The following SLC71A2 variants were observed in gnomAD, a reference collection of about 807,000 sequenced individuals.
SLC71A2 encodes the protein solute carrier family 71 member 2, also known as hippocampus abundant transcript-like 1.
At chr9:94,419,676 A>T in the SLC71A2 span, among the ~76,000 whole-genome samples, 2 of 152,018 alleles carry the variant, frequency 1.3e-5, no homozygotes, top group Non-Finnish European at 2.9e-5. Flanking sequence ...CTCGCCTCAG[A>T]CAGTCTTCTC....
At chr9:94,381,965 T>C in the SLC71A2 span, among the ~76,000 whole-genome samples, 6 of 152,264 alleles carry the variant, frequency 3.9e-5, no homozygotes, top group African/African-American at 1.4e-4. Flanking sequence ...TAGTGATGTC[T>C]CATTGTTCTT....
At chr9:94,422,422 T>C in the SLC71A2 span, among the ~76,000 whole-genome samples, 1 of 152,270 alleles carries the variant, frequency 6.6e-6, no homozygotes, top group Non-Finnish European at 1.5e-5. Context: ...CATTCTGCTG[T>C]TGGACATTTG....
chr9:94,458,336 A>T, the SLC71A2 span: 3 of 1,608,392 alleles, frequency 1.9e-6, no homozygotes, highest in Non-Finnish European at 2.5e-6. Context: ...TGCCCAGGGG[A>T]TCATAACTGG....
chr9:94,458,237 A>C, the SLC71A2 span: 1 of 1,224,792 alleles, frequency 8.2e-7, no homozygotes, highest in Non-Finnish European at 1.1e-6. Context: ...TTAGTGTATC[A>C]TGGTTATGAG....
At chr9:94,433,283 C>T in the SLC71A2 span, 1 of 167,364 alleles carries the variant, frequency 6.0e-6, no homozygotes, top group Middle Eastern at 2.7e-3. Flanking sequence ...CTCGGATCCC[C>T]CTGGACTGAC....
the SLC71A2 span, among the ~76,000 whole-genome samples, chr9:94,389,220 G>GT: frequency 6.6e-6 from 1 of 151,008 alleles, no homozygotes; most frequent in Non-Finnish European, 1.5e-5. Context: ...CTCTTCATAA[G>GT]TAGGGTGATC....
the SLC71A2 span, among the ~76,000 whole-genome samples, chr9:94,445,832 G>C: frequency 6.6e-6 from 1 of 152,162 alleles, no homozygotes. Flanking sequence ...CGTCCCCCAA[G>C]TTTACCTTTC....
At chr9:94,382,338 T>A in the SLC71A2 span, among the ~76,000 whole-genome samples, 7 of 151,624 alleles carry the variant, frequency 4.6e-5, no homozygotes, top group African/African-American at 4.8e-5. Flanking sequence ...CCTAAACTTA[T>A]ATGTCTTCTG....
the SLC71A2 span, among the ~76,000 whole-genome samples, chr9:94,428,246 A>G: frequency 6.6e-6 from 1 of 151,132 alleles, no homozygotes; most frequent in South Asian, 2.1e-4. Context: ...TAGTCTTTAT[A>G]TTCTTTAAAG....
the SLC71A2 span, among the ~76,000 whole-genome samples, chr9:94,406,907 G>A: frequency 1.4e-4 from 21 of 152,042 alleles, no homozygotes; most frequent in East Asian, 1.9e-3. Flanking sequence ...TTTTCTTGCC[G>A]TATTACTCTG....
At chr9:94,454,093 C>T in the SLC71A2 span, 168 of 1,515,240 alleles carry the variant, frequency 1.1e-4, 1 homozygote, top group South Asian at 4.5e-4. Flanking sequence ...CTTAGATTCT[C>T]GTGAACTGCC....
the SLC71A2 span, among the ~76,000 whole-genome samples, chr9:94,398,411 A>G: frequency 6.6e-6 from 1 of 152,236 alleles, no homozygotes; most frequent in African/African-American, 2.4e-5. Flanking sequence ...CGTAGCTTAT[A>G]TACCTTCTAA....
At chr9:94,418,995 A>ATT in the SLC71A2 span, among the ~76,000 whole-genome samples, 2 of 152,198 alleles carry the variant, frequency 1.3e-5, no homozygotes, top group African/African-American at 4.8e-5. Context: ...GGAAACACTC[A>ATT]GAGACTCCTC....
chr9:94,450,221 A>G, the SLC71A2 span, among the ~76,000 whole-genome samples: 2 of 152,202 alleles, frequency 1.3e-5, no homozygotes, highest in East Asian at 3.8e-4. Flanking sequence ...ATCTTAATAA[A>G]GCTCTTTAAC....
chr9:94,400,529 T>C, the SLC71A2 span, among the ~76,000 whole-genome samples: 5 of 145,134 alleles, frequency 3.4e-5, no homozygotes, highest in African/African-American at 1.3e-4. Context: ...AAACAACTGA[T>C]AATATTTGTT....
the SLC71A2 span, among the ~76,000 whole-genome samples, chr9:94,382,538 C>G: frequency 6.6e-6 from 1 of 151,866 alleles, no homozygotes; most frequent in South Asian, 2.1e-4. Flanking sequence ...TCAGCAGTGT[C>G]TTGAAGAACA....
the SLC71A2 span, among the ~76,000 whole-genome samples, chr9:94,436,445 A>G: frequency 1.3e-5 from 2 of 152,270 alleles, no homozygotes; most frequent in Non-Finnish European, 2.9e-5. Context: ...CCCAGATGAC[A>G]CTGTATGAAC....
the SLC71A2 span, chr9:94,459,996 T>G: frequency 6.5e-6 from 1 of 152,966 alleles, no homozygotes; most frequent in Non-Finnish European, 1.5e-5. Flanking sequence ...TTAGCTAGAA[T>G]GAAACTCAGC....
chr9:94,389,534 C>T, the SLC71A2 span, among the ~76,000 whole-genome samples: 3 of 151,196 alleles, frequency 2.0e-5, no homozygotes, highest in Non-Finnish European at 4.4e-5. Flanking sequence ...CCGCCTTGGC[C>T]TCCCAAAGTG....
Sources: gnomAD v4.1 joint callset for allele counts (sites outside exome capture counted in the v4.1 genomes callset) on GRCh38, gnomAD v4.1.1 for gene constraint, MANE v1.5 for transcripts, NCBI Gene and HGNC (gene_info 2026-07-23, HGNC 2026-07-21) for gene names.